The following CROT variants were observed in gnomAD, a reference collection of about 807,000 sequenced individuals.
CROT encodes the protein carnitine O-octanoyltransferase.
CROT carries 84 observed loss-of-function variants against 89.2 expected under a neutral mutation model. The observed-to-expected ratio is 0.94, with a 90% CI of 0.79 to 1.13. CROT has a LOEUF of 1.13. Ranked by LOEUF, CROT falls within the 50% of genes most tolerant of loss-of-function variation. The probability of loss-of-function intolerance (pLI) is 0.00; values close to 1 mark genes in which losing one functional copy is unlikely to be tolerated. For synonymous variants in CROT, 212 were observed against 239.5 expected (o/e 0.89, Z 1.06); for missense variants, 711 against 727.8 (o/e 0.98, Z 0.27).
At chr7:87,384,486 C>T (rs914659947) in intron 13 of CROT, among the ~76,000 whole-genome samples, 3 of 152,312 alleles carry the variant, frequency 2.0e-5, no homozygotes, top group South Asian at 2.1e-4. Context: ...GAGCTGAGAT[C>T]GTGCCACTGC....
At chr7:87,369,229 A>T in intron 6 of CROT, 147 bp from the exon 7 acceptor site, 1 of 505,338 alleles carries the variant, frequency 2.0e-6, no homozygotes, top group Non-Finnish European at 3.6e-6. Context: ...TTCCATTAAT[A>T]CATTATTTTT....
At chr7:87,396,266 T>TA (rs1480899506) in intron 17 of CROT, among the ~76,000 whole-genome samples, 2 of 152,082 alleles carry the variant, frequency 1.3e-5, no homozygotes, top group Non-Finnish European at 2.9e-5. Flanking sequence ...TCATCTCTAT[T>TA]AAAAAATTTG....
At position 87,375,607 on chromosome 7, in the gene CROT, T is replaced by A. The variant is rs753563567; in HGVS notation, c.657-25T>A. On this transcript the variant is annotated intron_variant, in intron 7 of 17. Coordinates refer to ENST00000331536, the MANE Select transcript of CROT (RefSeq NM_021151.4). ...GTTACTTTCTGCCTGTACTCTTTTT[T>A]AATCTTCTTTTCATCTTCCATAAGA... 1.3e-5 allele frequency: 20 copies of A among 1,564,636 alleles called. No individual in the cohort carries two copies. The Admixed American group carries it at 1.3e-4, about 11-fold the overall frequency.
chr7:87,349,298 G>T, intron 3 of CROT, 115 bp downstream of exon 3: 1 of 485,700 alleles, frequency 2.1e-6, no homozygotes, highest in East Asian at 3.4e-5. Flanking sequence ...AGAGTTCTTG[G>T]ATCTCTTGCA....
intron 13 of CROT, among the ~76,000 whole-genome samples, chr7:87,390,088 G>A (rs1474557292): frequency 6.6e-6 from 1 of 152,108 alleles, no homozygotes; most frequent in Non-Finnish European, 1.5e-5. Flanking sequence ...TTTCCTGATT[G>A]TATTCCCATG....
At chr7:87,358,876 C>CT (rs1366824304) in intron 3 of CROT, among the ~76,000 whole-genome samples, 1 of 152,154 alleles carries the variant, frequency 6.6e-6, no homozygotes. Flanking sequence ...AAATATCCAA[C>CT]TTTTTTTCTC....
intron 4 of CROT, 51 bp from the exon 5 acceptor site, chr7:87,361,339 A>G (rs1806261049): frequency 1.4e-6 from 2 of 1,469,940 alleles, no homozygotes; most frequent in Non-Finnish European, 1.9e-6. Flanking sequence ...CAGTAGTTAC[A>G]CATTCATGTA....
At chr7:87,384,118 A>G (rs951065724) in intron 13 of CROT, among the ~76,000 whole-genome samples, 1 of 152,132 alleles carries the variant, frequency 6.6e-6, no homozygotes, top group Non-Finnish European at 1.5e-5. Flanking sequence ...AGTGATTTTT[A>G]ACTAGGGTGA....
At chr7:87,393,374 T>C (rs1431390119) in intron 17 of CROT, among the ~76,000 whole-genome samples, 1 of 152,188 alleles carries the variant, frequency 6.6e-6, no homozygotes, top group East Asian at 1.9e-4. Flanking sequence ...CAAGGTATTT[T>C]ATAATAAGCT....
chr7:87,399,754 T>C lies in CROT; in HGVS notation c.*1110T>C, dbSNP rs561844438. On this transcript the variant is annotated 3_prime_UTR_variant, in exon 18 of 18. Coordinates refer to ENST00000331536, the MANE Select transcript of CROT (RefSeq NM_021151.4). ...AAAAAATGAAATTCTCAAAATTATATAGCTTTTTGTTTTGTTTGAATAAAT... is the reference window on the plus strand; with the variant it reads ...AAAAAATGAAATTCTCAAAATTATACAGCTTTTTGTTTTGTTTGAATAAAT... 3.3e-5 allele frequency: 5 copies of C among 152,252 alleles called. No homozygotes were observed. Among genetic ancestry groups the C allele is most frequent in the Admixed American group, 6.5e-5 (1 of 15,284 alleles). The allele number at this position is 152,252 out of a possible 1,614,324, so 9.4% of individuals were successfully genotyped here.
chr7:87,369,922 T>C (rs898758378), intron 7 of CROT, among the ~76,000 whole-genome samples: 3 of 151,084 alleles, frequency 2.0e-5, no homozygotes, highest in African/African-American at 7.3e-5. Context: ...TCAAAATGTA[T>C]AGGGGATTAT....
At chr7:87,369,251 T>C (rs1025820810) in intron 6 of CROT, 125 bp from the exon 7 acceptor site, 5 of 562,964 alleles carry the variant, frequency 8.9e-6, no homozygotes, top group Non-Finnish European at 1.6e-5. Context: ...TTATGTGATA[T>C]ATTTGATGAC....
intron 13 of CROT, 45 bp downstream of exon 13, chr7:87,382,588 G>T: frequency 1.9e-6 from 3 of 1,549,650 alleles, no homozygotes; most frequent in African/African-American, 1.4e-5. Context: ...GAAGTCCAAG[G>T]GTATATCTTT....
intron 10 of CROT, among the ~76,000 whole-genome samples, chr7:87,381,291 T>C (rs1184487261): frequency 6.6e-6 from 1 of 152,218 alleles, no homozygotes; most frequent in African/African-American, 2.4e-5. Flanking sequence ...AAATAGATGA[T>C]GGGAAAATTC....
chr7:87,348,620 C>G (rs1242687848), intron 2 of CROT, among the ~76,000 whole-genome samples: 1 of 152,194 alleles, frequency 6.6e-6, no homozygotes, highest in Non-Finnish European at 1.5e-5. Context: ...AGATTGTAGT[C>G]TTAACAGATC....
chr7:87,361,430 G>A lies in CROT; in HGVS notation c.281G>A (p.Arg94His), dbSNP rs3827653. 1.5e-4 allele frequency: 247 copies of A among 1,613,822 alleles called. No homozygotes were observed. The East Asian group carries it at 2.9e-3, about 19-fold the overall frequency. ...WWLNVAYLDV[R>H]IPSQLNVNFA... Reference sequence around the variant, plus strand: ...CTGAATGTTGCCTATCTGGATGTTCGTATACCATCACAATTGAATGTCAAC... The same window carrying A: ...CTGAATGTTGCCTATCTGGATGTTCATATACCATCACAATTGAATGTCAAC... Residue 94 changes from arginine to histidine, a missense_variant, in exon 5 of 18, where the codon CGT (arginine) becomes CAT (histidine). Coordinates refer to ENST00000331536, the MANE Select transcript of CROT (RefSeq NM_021151.4).
chr7:87,391,229 G>A (rs1807345872), intron 13 of CROT, among the ~76,000 whole-genome samples: 2 of 152,214 alleles, frequency 1.3e-5, no homozygotes, highest in Non-Finnish European at 2.9e-5. Flanking sequence ...TTGCAGATGT[G>A]ATATCCCATC....
rs569071608 is a variant in CROT at position 87,389,627 on chromosome 7, TG to T, written c.1302-1956del. On this transcript the variant is annotated intron_variant, in intron 13 of 17. Transcript: ENST00000331536. ...TCACACACCGGGGGCTGTCATGGGG[TG>T]GGGGGCTAGGGGAGGGATAGCATTA... Among the ~76,000 whole-genome samples the T allele has an allele frequency of 1.1e-3, 148 of 129,880 alleles. 1 individual carries two copies. Among genetic ancestry groups the T allele is most frequent in the African/African-American group, 4.3e-3 (146 of 34,184 alleles). The allele number at this position is 129,880 out of a possible 152,430, so 85.2% of individuals were successfully genotyped here.
intron 4 of CROT, chr7:87,359,780 T>C (rs998603755): frequency 8.1e-6 from 8 of 988,860 alleles, no homozygotes; most frequent in Non-Finnish European, 9.6e-6. Context: ...GTTATGTATA[T>C]TGTATATTTC....
Sources: allele counts gnomAD v4.1 joint callset (sites outside exome capture counted in the v4.1 genomes callset), GRCh38; gene constraint gnomAD v4.1.1; transcripts MANE v1.5; gene names NCBI Gene and HGNC (gene_info 2026-07-23, HGNC 2026-07-21).